TTN: variants seen among roughly 807,000 people sequenced by gnomAD.
TTN encodes the protein titin, also known as connectin.
TTN carries 1,525 observed loss-of-function variants against 3,223.0 expected under a neutral mutation model. The ratio of observed to expected loss-of-function variants is 0.47; its 90% CI spans 0.45 to 0.49. The LOEUF (loss-of-function observed/expected upper bound fraction) is 0.49, where lower values mean the gene tolerates loss of function less well. Ranked by LOEUF, TTN falls within the 20% of genes least tolerant of loss-of-function variation. The pLI is 0.00. For missense variants in TTN, 40,786 were observed against 43,424.0 expected (o/e 0.94, Z 5.40); for synonymous variants, 14,094 against 15,161.0 (o/e 0.93, Z 5.17).
At position 178,605,529 on chromosome 2, in the gene TTN, A is replaced by G; in HGVS notation, c.53766T>C (p.Phe17922=). The change falls in exon 279 of 363, where the codon TTT becomes TTC. Residue 17922 remains phenylalanine (F), a synonymous_variant. Coordinates refer to ENST00000589042, the MANE Select transcript of TTN (RefSeq NM_001267550.2). ...GGTGTTCATCAAGATTTTCAACCAG[A>G]AAAGATGTGGTTGGGCAGAGTCGCT... ...VNKRLCPTTS[F]LVENLDEHQM... 2 of 1,612,424 alleles carry G rather than the reference A, an allele frequency of 1.2e-6. No homozygotes were observed. Among genetic ancestry groups the G allele is most frequent in the African/African-American group, 1.3e-5 (1 of 74,908 alleles).
At position 178,711,267 on chromosome 2, in the gene TTN, G is replaced by A. The variant is rs773102635; in HGVS notation, c.27969C>T (p.Ala9323=). ...CGGAGATAGGTTCTGATCCACTTATGGCACAATCAAAAACAACTGGCAGTC... is the reference window on the plus strand; with the variant it reads ...CGGAGATAGGTTCTGATCCACTTATAGCACAATCAAAAACAACTGGCAGTC... ...TVGLPVVFDC[A]ISGSEPISVS... Residue 9323 remains alanine, a synonymous_variant, in exon 97 of 363, where the codon GCC becomes GCT. Transcript: ENST00000589042. 53 of 1,613,612 alleles carry A rather than the reference G, an allele frequency of 3.3e-5. No individual in the cohort carries two copies. Among genetic ancestry groups the A allele is most frequent in the Non-Finnish European group, 4.1e-5 (48 of 1,179,684 alleles).
chr2:178,651,057 TAAGTA>T (rs1334575818), intron 208 of TTN, among the ~76,000 whole-genome samples, 181 bp downstream of exon 208: 1 of 152,102 alleles, frequency 6.6e-6, no homozygotes, highest in African/African-American at 2.4e-5. Flanking sequence ...ATGCTTGTAA[TAAGTA>T]AATATATCAC....
intron 92 of TTN, 94 bp downstream of exon 92, chr2:178,713,803 A>T: frequency 6.9e-7 from 1 of 1,451,070 alleles, no homozygotes; most frequent in Non-Finnish European, 9.2e-7. Context: ...GACTCATGTT[A>T]TCCTATAGAA....
At position 178,612,980 on chromosome 2, in the gene TTN, C is replaced by T; in HGVS notation, c.49741G>A (p.Ala16581Thr). 4 of 1,612,784 alleles carry T rather than the reference C, an allele frequency of 2.5e-6. No homozygotes were observed. The highest frequency in any genetic ancestry group is 3.4e-6 in the Non-Finnish European group (4 of 1,179,264). The change falls in exon 265 of 363, where the codon GCA becomes ACA. Residue 16581 changes from alanine to threonine, a missense_variant. By Grantham distance (58) the Ala-to-Thr change is moderately conservative. Coordinates refer to ENST00000589042, the MANE Select transcript of TTN (RefSeq NM_001267550.2). ...TCAATGACATAAGACTCAATCTTTG[C>T]ACCTCCATCATGTTCTGGTTTTGTC... ...NWTKPEHDGGAKIESYVIEML... is the reference protein window; with the variant it reads ...NWTKPEHDGGTKIESYVIEML...
At chr2:178,745,068 GT>G in intron 47 of TTN, 2 of 986,816 alleles carry the variant, frequency 2.0e-6, no homozygotes, top group South Asian at 4.7e-5. Flanking sequence ...GCTGGTTTTT[GT>G]TGTTTGTTTT....
chr2:178,781,632 A>G (rs2092768838), intron 20 of TTN, among the ~76,000 whole-genome samples: 1 of 152,162 alleles, frequency 6.6e-6, no homozygotes, highest in African/African-American at 2.4e-5. Flanking sequence ...TAAAACAATA[A>G]ATTCCTTCAA....
intron 17 of TTN, among the ~76,000 whole-genome samples, 170 bp downstream of exon 17, chr2:178,783,550 A>C (rs1574781489): frequency 6.6e-6 from 1 of 152,120 alleles, no homozygotes; most frequent in Non-Finnish European, 1.5e-5. Flanking sequence ...CTTCCTTGCC[A>C]AATATGGTCA....
At position 178,740,028 on chromosome 2, in the gene TTN, G is replaced by A. The variant is rs756976503; in HGVS notation, c.13205C>T (p.Ala4402Val). ...RLNLKIQICR[A>V]LQAAVASEQP... Reference sequence around the variant, plus strand: ...CTCGCTGGCCACGGCTGCTTGCAAAGCCCGGCAGATTTGAATTTTCAGGTT... The same window carrying A: ...CTCGCTGGCCACGGCTGCTTGCAAAACCCGGCAGATTTGAATTTTCAGGTT... The change falls in exon 48 of 363, where the codon GCT becomes GTT. Residue 4402 changes from alanine (A) to valine (V), a missense_variant. By Grantham distance (64) the Ala-to-Val change is moderately conservative. Transcript: ENST00000589042. 4.5e-5 allele frequency: 72 copies of A among 1,613,760 alleles called. No individual in the cohort carries two copies. Among genetic ancestry groups the A allele is most frequent in the Non-Finnish European group, 5.8e-5 (68 of 1,179,852 alleles).
chr2:178,562,832 G>A lies in TTN; in HGVS notation c.83300C>T (p.Pro27767Leu), dbSNP rs753567973. Residue 27767 changes from proline (P) to leucine (L), a missense_variant, in exon 326 of 363, where the codon CCA (proline) becomes CTA (leucine). Physicochemically the swap from Pro to Leu is moderately conservative, Grantham distance 98. Coordinates refer to ENST00000589042, the MANE Select transcript of TTN (RefSeq NM_001267550.2). ...TATGGTCAAATTCACAGGGGCACTT[G>A]GTGAGTCAAGAACTCTGACGTTAAC... ...AFVNVRVLDS[P>L]SAPVNLTIRE... The A allele has an allele frequency of 6.2e-7, 1 of 1,612,966 alleles. No homozygotes were observed. The highest frequency in any genetic ancestry group is 1.1e-5 in the South Asian group (1 of 91,034).
In TTN at chr2:178,636,727, T is replaced by A; in HGVS notation, c.41000A>T (p.Lys13667Ile). ...GGTGAACGGGGCTTCATCAGGAGGT[T>A]TCTCTCCACCACTTCCTGGCCTTAA... Reference protein sequence around the residue: ...RKLRPGSGGEKPPDEAPFTYQ... With the variant: ...RKLRPGSGGEIPPDEAPFTYQ... The change falls in exon 225 of 363, where the codon AAA becomes ATA. Residue 13667 changes from lysine (K) to isoleucine (I), a missense_variant. Lys to Ile is a moderately radical substitution (Grantham distance 102). Transcript: ENST00000589042. This position sits in a 1 kb window ranked among gnomAD's most constrained non-coding sequence, Gnocchi z 4.3. 2 of 1,612,986 alleles carry A rather than the reference T, an allele frequency of 1.2e-6. No individual in the cohort carries two copies. Among genetic ancestry groups the A allele is most frequent in the Non-Finnish European group, 1.7e-6 (2 of 1,179,262 alleles).
intron 119 of TTN, 33 bp downstream of exon 119, chr2:178,693,574 TAA>T: frequency 7.0e-7 from 1 of 1,421,212 alleles, no homozygotes; most frequent in Non-Finnish European, 9.6e-7. Context: ...TAATTTTTAT[TAA>T]AAGAGTTTAA....
At chr2:178,642,406 C>T in intron 218 of TTN, 89 bp from the exon 219 acceptor site, 1 of 1,122,580 alleles carries the variant, frequency 8.9e-7, no homozygotes, top group Non-Finnish European at 1.3e-6. Context: ...AACTAGTTAA[C>T]TGTAGTGCAT....
Position 178,681,062 on chromosome 2 carries a change from G to A in TTN, c.33340+17C>T, listed in dbSNP as rs765319293. ...GGCATCAGAAAAGATCACAATCGAG[G>A]AAGGAAATCATTATACCTTTAGCAG... On this transcript the variant is annotated intron_variant, in intron 138 of 362. Coordinates refer to ENST00000589042, the MANE Select transcript of TTN (RefSeq NM_001267550.2). 3.8e-6 allele frequency: 6 copies of A among 1,575,160 alleles called. No individual in the cohort carries two copies. Among genetic ancestry groups the A allele is most frequent in the Non-Finnish European group, 8.6e-7 (1 of 1,161,472 alleles).
chr2:178,593,170 T>A lies in TTN; in HGVS notation c.59035+3A>T. On this transcript the variant is annotated splice_donor_region_variant and intron_variant, in intron 299 of 362. Coordinates refer to ENST00000589042, the MANE Select transcript of TTN (RefSeq NM_001267550.2). ...AAACTGAATAAATCCATTAATACTA[T>A]ACCAATTGGATCTTTAGCAAAGACT... 6.2e-7 allele frequency: 1 copy of A among 1,612,900 alleles called. No individual in the cohort carries two copies. Among genetic ancestry groups the A allele is most frequent in the Non-Finnish European group, 8.5e-7 (1 of 1,179,350 alleles).
intron 47 of TTN, chr2:178,751,440 T>A: frequency 6.2e-7 from 1 of 1,613,034 alleles, no homozygotes. Context: ...ATAGTTCTCA[T>A]CATTCCCTTT....
chr2:178,702,736 A>G, intron 106 of TTN, 73 bp from the exon 107 acceptor site: 1 of 1,410,624 alleles, frequency 7.1e-7, no homozygotes, highest in Admixed American at 2.5e-5. Flanking sequence ...TTTACCTCAG[A>G]TACTTAAAAT....
chr2:178,795,185 G>C lies in TTN; in HGVS notation c.982C>G (p.Arg328Gly), dbSNP rs16866538. The stretch of plus-strand genomic sequence containing the variant: ...GCCACGGTGGATGCCTGAGTCTTAC[G>C]CATGAGCAATGGAGACCTAACAGAC... ...IRSVRSPLLMRKTQASTVATG... is the reference protein window; with the variant it reads ...IRSVRSPLLMGKTQASTVATG... Residue 328 changes from arginine to glycine, a missense_variant, in exon 7 of 363, where the codon CGT becomes GGT. Transcript: ENST00000589042. 1 of 1,613,998 alleles carries C rather than the reference G, an allele frequency of 6.2e-7. No homozygotes were observed. Among genetic ancestry groups the C allele is most frequent in the Non-Finnish European group, 8.5e-7 (1 of 1,179,988 alleles).
Position 178,756,454 on chromosome 2 carries a change from A to G in TTN, c.11022T>C (p.Gly3674=), listed in dbSNP as rs2086987884. Residue 3674 remains glycine (G), a synonymous_variant, in exon 46 of 363, where the codon GGT becomes GGC. Transcript: ENST00000589042. ...AAACACAGAGGAATTGAGCCGTGTC[A>G]CCGCACTTTACAGTGACGTCCTGAA... ...LHLQDVTVKC[G]DTAQFLCVLK... The G allele has an allele frequency of 3.1e-6, 5 of 1,613,816 alleles. No homozygotes were observed. Among genetic ancestry groups the G allele is most frequent in the South Asian group, 1.1e-5 (1 of 91,084 alleles).
intron 263 of TTN, among the ~76,000 whole-genome samples, 192 bp from the exon 264 acceptor site, chr2:178,613,468 C>A (rs1010600516): frequency 6.6e-6 from 1 of 151,840 alleles, no homozygotes; most frequent in Non-Finnish European, 1.5e-5. Context: ...CCAAACATAC[C>A]AATCTAATTA....
Sources: gnomAD v4.1 joint callset for allele counts (sites outside exome capture counted in the v4.1 genomes callset) on GRCh38, gnomAD v4.1.1 for gene constraint, Gnocchi (gnomAD v3.1) non-coding constraint, MANE v1.5 for transcripts, NCBI Gene and HGNC (gene_info 2026-07-23, HGNC 2026-07-21) for gene names.